Variants in LUC7L observed in about 807,000 individuals in gnomAD.
LUC7L encodes the protein LUC7 like, also known as putative RNA-binding protein Luc7-like 1.
A neutral mutation model predicts 51.1 loss-of-function variants in LUC7L; 29 were observed. The ratio of observed to expected loss-of-function variants is 0.57; its 90% CI spans 0.42 to 0.77. The LOEUF (loss-of-function observed/expected upper bound fraction) is 0.77. Among genes scored for constraint, LUC7L ranks in the 30% least tolerant of loss-of-function variants. The pLI, the probability that LUC7L is intolerant of heterozygous loss-of-function variation, is 0.00. For missense variants in LUC7L, 403 were observed against 511.9 expected (o/e 0.79, Z 2.05); for synonymous variants, 181 against 180.7 (o/e 1.00, Z -0.01).
chr16:202,415 T>C (rs1232040831), intron 5 of LUC7L, among the ~76,000 whole-genome samples: 2 of 152,160 alleles, frequency 1.3e-5, no homozygotes, highest in East Asian at 3.9e-4. Flanking sequence ...AACATGAGAT[T>C]TGGACGTGCC....
chr16:222,951 T>TA (rs376499817), intron 2 of LUC7L, among the ~76,000 whole-genome samples: 1,716 of 119,876 alleles, frequency 0.014, 10 homozygotes, highest in Non-Finnish European at 0.02. Flanking sequence ...CCCCGTCTTT[T>TA]AAAAAAAAAA....
rs548821118 is a variant in LUC7L, at chr16:221,880, T to G, written c.157-1133A>C. Reference sequence around the variant, plus strand: ...GGCAATTACATCACAACCTAACACTTGGCTTTGTGTAGCTGATTGTGTATC... The same window carrying G: ...GGCAATTACATCACAACCTAACACTGGGCTTTGTGTAGCTGATTGTGTATC... On this transcript the variant is annotated intron_variant, in intron 2 of 9. Coordinates refer to ENST00000293872, the MANE Select transcript of LUC7L (RefSeq NM_201412.3). Among the ~76,000 whole-genome samples the G allele has an allele frequency of 3.9e-5, 6 of 152,302 alleles. No homozygotes were observed. The South Asian group carries it at 1.2e-3, about 32-fold the overall frequency.
chr16:219,074 G>A (rs2049893187), intron 3 of LUC7L, among the ~76,000 whole-genome samples: 1 of 151,940 alleles, frequency 6.6e-6, no homozygotes, highest in Admixed American at 6.6e-5. Context: ...CTCCAGCCTG[G>A]GTGACAGAAC....
rs2049302579 is a variant in LUC7L at position 200,824 on chromosome 16, G to C, written c.511-1586C>G. On this transcript the variant is annotated intron_variant, in intron 5 of 9. Coordinates refer to ENST00000293872, the MANE Select transcript of LUC7L (RefSeq NM_201412.3). ...TTGAGCCCAGGAGGTTGAAGGGGCA[G>C]TGACCTGTGACTGCGCCACTGTACT... is the stretch of plus-strand genomic sequence containing the variant. 1.3e-5 allele frequency among the ~76,000 whole-genome samples: 2 copies of C among 152,080 alleles called. 1 individual carries two copies. The highest frequency in any genetic ancestry group is 4.1e-4 in the South Asian group (2 of 4,826).
At chr16:212,619 T>C (rs2049675916) in intron 3 of LUC7L, among the ~76,000 whole-genome samples, 1 of 152,184 alleles carries the variant, frequency 6.6e-6, no homozygotes, top group Non-Finnish European at 1.5e-5. Context: ...TCTCATGTGG[T>C]ATATTAAAAA....
Position 199,360 on chromosome 16 carries a change from A to C in LUC7L, c.511-122T>G, listed in dbSNP as rs182587599. ...TGACTTTTAAACAAATATTAAAAAA[A>C]CACAAACAAAACTTCAGATATTTAT... On this transcript the variant is annotated intron_variant, in intron 5 of 9. Transcript: ENST00000293872. The C allele has an allele frequency of 4.1e-5, 27 of 655,960 alleles. No homozygotes were observed. The African/African-American group carries it at 4.4e-4, about 11-fold the overall frequency. 40.6% of individuals were successfully genotyped at this position (655,960 alleles called of 1,614,324 possible).
chr16:192,592 C>T (rs1338224710), intron 7 of LUC7L, among the ~76,000 whole-genome samples: 1 of 150,692 alleles, frequency 6.6e-6, no homozygotes, highest in Non-Finnish European at 1.5e-5. Context: ...CAACCTCTGC[C>T]TCCCGGGCTC....
At chr16:223,823 C>G (rs1189890938) in intron 2 of LUC7L, among the ~76,000 whole-genome samples, 3 of 151,982 alleles carry the variant, frequency 2.0e-5, no homozygotes, top group Admixed American at 6.6e-5. Context: ...GGGCACGCCA[C>G]CACGCCCGGC....
At chr16:193,363 T>A (rs1305140988) in intron 6 of LUC7L, among the ~76,000 whole-genome samples, 1 of 151,986 alleles carries the variant, frequency 6.6e-6, no homozygotes, top group Admixed American at 6.6e-5. Context: ...GCCAGGATGG[T>A]CTTGATCTCT....
chr16:211,219 T>C (rs902586526), intron 3 of LUC7L, among the ~76,000 whole-genome samples: 1 of 152,170 alleles, frequency 6.6e-6, no homozygotes, highest in Non-Finnish European at 1.5e-5. Context: ...CTGGTTGCTA[T>C]TTACCCAAAG....
At chr16:207,527 T>C (rs1313146921) in intron 4 of LUC7L, among the ~76,000 whole-genome samples, 2 of 152,104 alleles carry the variant, frequency 1.3e-5, no homozygotes, top group African/African-American at 2.4e-5. Flanking sequence ...GCGAAGAATA[T>C]ATTAAAATTA....
intron 7 of LUC7L, among the ~76,000 whole-genome samples, chr16:191,643 G>A (rs938092268): frequency 2.0e-5 from 3 of 152,108 alleles, no homozygotes; most frequent in Admixed American, 6.6e-5. Context: ...TCAACAGATC[G>A]AGACCAGCCT....
At chr16:190,647 T>C (rs1304897032) in intron 7 of LUC7L, 77 bp from the exon 8 acceptor site, 2 of 1,348,446 alleles carry the variant, frequency 1.5e-6, no homozygotes, top group Admixed American at 3.4e-5. Context: ...CGGGGAGGCC[T>C]AGGCAGGCAA....
At chr16:215,131 T>C (rs1454320362) in intron 3 of LUC7L, among the ~76,000 whole-genome samples, 1 of 152,168 alleles carries the variant, frequency 6.6e-6, no homozygotes, top group African/African-American at 2.4e-5. Flanking sequence ...TTTCTCTGCA[T>C]TCATTTTCAC....
rs577860292 is a variant in LUC7L at position 214,633 on chromosome 16, C to G, written c.255+6016G>C. ...CCTTGATCCTCCGGGCTCAACTGAT[C>G]CTCCAGCCTCAGCCCCTCGAGTAGC... On this transcript the variant is annotated intron_variant, in intron 3 of 9. Coordinates refer to ENST00000293872, the MANE Select transcript of LUC7L (RefSeq NM_201412.3). Among the ~76,000 whole-genome samples the G allele has an allele frequency of 2.1e-3, 313 of 152,300 alleles. 1 individual carries two copies. The highest frequency in any genetic ancestry group is 3.2e-3 in the Non-Finnish European group (216 of 68,038).
At chr16:228,758 G>C in intron 1 of LUC7L, 2 of 1,272,090 alleles carry the variant, frequency 1.6e-6, no homozygotes, top group Non-Finnish European at 2.0e-6. Flanking sequence ...GGGGGAAGGG[G>C]GCAGCTGGAA....
At chr16:189,620 T>C in intron 9 of LUC7L, 6 of 1,319,816 alleles carry the variant, frequency 4.5e-6, no homozygotes, top group Non-Finnish European at 4.8e-6. Flanking sequence ...TGACACTACG[T>C]AAAAACACAA....
chr16:215,779 G>C (rs1051144872), intron 3 of LUC7L, among the ~76,000 whole-genome samples: 1 of 152,074 alleles, frequency 6.6e-6, no homozygotes, highest in Non-Finnish European at 1.5e-5. Context: ...CTCCAGCCTG[G>C]ACGAGAGTGA....
intron 1 of LUC7L, 41 bp downstream of exon 1, chr16:229,238 T>C: frequency 1.3e-6 from 2 of 1,521,172 alleles, no homozygotes; most frequent in Non-Finnish European, 1.8e-6. Flanking sequence ...CTCGCCTCAC[T>C]CCCACCCCAG....
Sources: gnomAD v4.1 joint callset for allele counts (sites outside exome capture counted in the v4.1 genomes callset) on GRCh38, gnomAD v4.1.1 for gene constraint, MANE v1.5 for transcripts, NCBI Gene and HGNC (gene_info 2026-07-23, HGNC 2026-07-21) for gene names.